The following EFCAB11 variants were observed in gnomAD, a reference collection of about 807,000 sequenced individuals.
EFCAB11 encodes EF-hand calcium binding domain 11.
In EFCAB11, 14 loss-of-function variants were observed where a neutral mutation model predicts 23.0. The ratio of observed to expected loss-of-function variants is 0.61; its 90% confidence interval spans 0.40 to 0.95. The LOEUF (loss-of-function observed/expected upper bound fraction) is 0.95, where lower values mean the gene tolerates loss of function less well. EFCAB11 is among the 40% of genes least tolerant of loss of function. EFCAB11 has a pLI of 0.00. For missense variants in EFCAB11, 198 were observed against 195.8 expected (o/e 1.01, Z -0.07); for synonymous variants, 65 against 66.6 (o/e 0.98, Z 0.11).
At chr14:89,937,599 C>T (rs1890630396) in intron 3 of EFCAB11, among the ~76,000 whole-genome samples, 1 of 152,152 alleles carries the variant, frequency 6.6e-6, no homozygotes, top group South Asian at 2.1e-4. Context: ...GATCTTGGCT[C>T]ACTGCAACCT....
chr14:89,825,228 C>T (rs1360182878), intron 5 of EFCAB11, among the ~76,000 whole-genome samples: 1 of 150,790 alleles, frequency 6.6e-6, no homozygotes, highest in East Asian at 1.9e-4. Context: ...TTAAACAGTA[C>T]ATTTCATAAT....
chr14:89,897,207 ATT>A (rs1156731502), intron 5 of EFCAB11, among the ~76,000 whole-genome samples: 6 of 133,534 alleles, frequency 4.5e-5, no homozygotes, highest in Admixed American at 7.6e-5. Context: ...GTATATGTGC[ATT>A]TTTTTTTTTT....
intron 5 of EFCAB11, among the ~76,000 whole-genome samples, chr14:89,868,955 C>G (rs937385912): frequency 1.1e-4 from 17 of 152,074 alleles, no homozygotes; most frequent in Non-Finnish European, 2.2e-4. Context: ...TCTGTAATTC[C>G]AGCACTTTGG....
intron 5 of EFCAB11, among the ~76,000 whole-genome samples, chr14:89,889,715 G>A (rs2140186752): frequency 6.6e-6 from 1 of 152,384 alleles, no homozygotes; most frequent in Non-Finnish European, 1.5e-5. Flanking sequence ...ATGCCAGACA[G>A]AGAATGCCAG....
rs1885596413 is a variant in EFCAB11 at position 89,797,013 on chromosome 14, T to C, written c.*230A>G. On this transcript the variant is annotated 3_prime_UTR_variant, in exon 6 of 6. Coordinates refer to ENST00000316738, the MANE Select transcript of EFCAB11 (RefSeq NM_145231.4). ...AAGTCTATCATCAGCATCCAAAAAT[T>C]ATGATTAAAAATTTAGTCAATTACT... The C allele has an allele frequency of 3.9e-6, 1 of 256,262 alleles. No homozygotes were observed. Among genetic ancestry groups the C allele is most frequent in the Non-Finnish European group, 7.5e-6 (1 of 133,436 alleles). The allele number at this position is 256,262 out of a possible 1,614,324, so 15.9% of individuals were successfully genotyped here. A position where few individuals can be genotyped will look rare whatever the true frequency, so the allele number is the denominator to read the frequency against.
At chr14:89,827,990 C>A (rs929228187) in intron 5 of EFCAB11, among the ~76,000 whole-genome samples, 4 of 152,124 alleles carry the variant, frequency 2.6e-5, no homozygotes, top group African/African-American at 9.7e-5. Context: ...ACCAGAGCCA[C>A]TTTTTGAGAC....
intron 5 of EFCAB11, among the ~76,000 whole-genome samples, chr14:89,860,657 G>C (rs898307898): frequency 1.3e-5 from 2 of 152,202 alleles, no homozygotes; most frequent in African/African-American, 4.8e-5. Context: ...CTGAATCAAT[G>C]ACCCAGAAAT....
chr14:89,848,702 G>A (rs1887506451), intron 5 of EFCAB11: 1 of 152,296 alleles, frequency 6.6e-6, no homozygotes, highest in South Asian at 2.1e-4. Context: ...CAAGGCAGGT[G>A]GATCACTTGA....
chr14:89,843,336 T>C (rs1023493602), intron 5 of EFCAB11, among the ~76,000 whole-genome samples: 3 of 145,938 alleles, frequency 2.1e-5, no homozygotes, highest in Non-Finnish European at 4.6e-5. Flanking sequence ...CATAAACATA[T>C]TTTTAAGAAA....
Position 89,880,273 on chromosome 14 carries a change from C to T in EFCAB11, c.410+51268G>A, listed in dbSNP as rs553391471. Among the ~76,000 whole-genome samples, 8 of 152,292 alleles carry T rather than the reference C, an allele frequency of 5.3e-5. No individual in the cohort carries two copies. In the East Asian group the frequency reaches 1.3e-3, roughly 26 times the overall value. ...CCTTGTTCCTTTCCACCATGTGACA[C>T]ACCATTCCATGAACCAGGGAACAGG... On this transcript the variant is annotated intron_variant, in intron 5 of 5. Transcript: ENST00000316738.
chr14:89,931,619 A>G lies in EFCAB11; in HGVS notation c.332T>C (p.Leu111Ser), dbSNP rs1430330252. 4 of 1,613,922 alleles carry G rather than the reference A, an allele frequency of 2.5e-6. No individual in the cohort carries two copies. The highest frequency in any genetic ancestry group is 1.7e-5 in the Admixed American group (1 of 59,992). Residue 111 changes from leucine (L) to serine (S), a missense_variant, in exon 5 of 6, where the codon TTA (leucine) becomes TCA (serine). Physicochemically the swap from Leu to Ser is moderately radical, Grantham distance 145 (BLOSUM62 -2). Coordinates refer to ENST00000316738, the MANE Select transcript of EFCAB11 (RefSeq NM_145231.4). Reference sequence around the variant, plus strand: ...TGCTTTTTTGAAATCTTCCAAAGTTAAAAATCCACGATCTATTTGAAAACA... The same window carrying G: ...TGCTTTTTTGAAATCTTCCAAAGTTGAAAATCCACGATCTATTTGAAAACA... ...TAFDTYYRGF[L>S]TLEDFKKAFR...
chr14:89,868,348 A>G (rs1324096270), intron 5 of EFCAB11, among the ~76,000 whole-genome samples: 1 of 152,258 alleles, frequency 6.6e-6, no homozygotes, highest in East Asian at 1.9e-4. Flanking sequence ...ATGTATATTT[A>G]AACCACTATT....
At chr14:89,924,447 A>G (rs1467622174) in intron 5 of EFCAB11, 23 of 1,360,666 alleles carry the variant, frequency 1.7e-5, no homozygotes, top group Non-Finnish European at 2.2e-5. Context: ...CTGGGAAGCA[A>G]AAGCAGCTTC....
At chr14:89,855,247 AG>A (rs1887715674) in intron 5 of EFCAB11, among the ~76,000 whole-genome samples, 1 of 151,854 alleles carries the variant, frequency 6.6e-6, no homozygotes, top group Non-Finnish European at 1.5e-5. Flanking sequence ...AGGCAGAGGC[AG>A]GAGAATCACT....
At chr14:89,922,476 G>C (rs1596456009) in intron 5 of EFCAB11, among the ~76,000 whole-genome samples, 1 of 152,200 alleles carries the variant, frequency 6.6e-6, no homozygotes, top group East Asian at 1.9e-4. Flanking sequence ...TGACAGTGCA[G>C]TCCAGAGAGG....
chr14:89,928,041 T>C (rs182350694), intron 5 of EFCAB11, among the ~76,000 whole-genome samples: 1 of 152,276 alleles, frequency 6.6e-6, no homozygotes, highest in East Asian at 1.9e-4. Flanking sequence ...CATTATTTAG[T>C]CTAACTTTGG....
At chr14:89,899,028 G>A (rs1175232640) in intron 5 of EFCAB11, among the ~76,000 whole-genome samples, 2 of 152,052 alleles carry the variant, frequency 1.3e-5, no homozygotes, top group Admixed American at 6.6e-5. Context: ...AAATGCCTTC[G>A]GATGATGACA....
At chr14:89,931,707 G>A in intron 4 of EFCAB11, 76 bp from the exon 5 acceptor site, 1 of 1,259,866 alleles carries the variant, frequency 7.9e-7, no homozygotes, top group Non-Finnish European at 1.1e-6. Context: ...TAACATTTGT[G>A]CAAAACTTAT....
intron 5 of EFCAB11, among the ~76,000 whole-genome samples, chr14:89,917,099 T>C (rs1889874989): frequency 1.0e-5 from 1 of 99,532 alleles, no homozygotes; most frequent in Non-Finnish European, 1.7e-5. Context: ...TGTGTGTGTA[T>C]GTGTGTGTTG....
Sources: gnomAD v4.1 joint callset for allele counts (sites outside exome capture counted in the v4.1 genomes callset) on GRCh38, gnomAD v4.1.1 for gene constraint, MANE v1.5 for transcripts, NCBI Gene and HGNC (gene_info 2026-07-23, HGNC 2026-07-21) for gene names.